PRKACB: variants seen among roughly 807,000 people sequenced by gnomAD.
PRKACB encodes the protein cAMP-dependent protein kinase catalytic subunit beta.
In PRKACB, 16 loss-of-function variants were observed where a neutral mutation model predicts 51.4. That is an observed-to-expected ratio of 0.31 (90% CI 0.21 to 0.47). The LOEUF is 0.47. PRKACB is among the 20% of genes least tolerant of loss of function. PRKACB has a pLI of 1.00. For synonymous variants in PRKACB, 147 were observed against 154.4 expected, an observed-to-expected ratio of 0.95 and a Z score of 0.35; for missense variants, 309 against 464.5, an observed-to-expected ratio of 0.67 and a Z score of 3.08.
At chr1:84,164,976 G>A in intron 1 of PRKACB, 1 of 1,545,164 alleles carries the variant, frequency 6.5e-7, no homozygotes, top group Admixed American at 2.0e-5. Context: ...GTTATTTTGA[G>A]CAATATGTTT....
intron 2 of PRKACB, chr1:84,181,747 C>G: frequency 6.8e-7 from 1 of 1,460,350 alleles, no homozygotes. Flanking sequence ...AGTGAAAGAG[C>G]TCTGATCCCT....
At chr1:84,228,025 A>G (rs891854956) in intron 9 of PRKACB, among the ~76,000 whole-genome samples, 1 of 152,228 alleles carries the variant, frequency 6.6e-6, no homozygotes, top group African/African-American at 2.4e-5. Context: ...CTGGCTGGCT[A>G]GACGTGAAGC....
At chr1:84,218,187 T>A (rs1323690137) in intron 9 of PRKACB, among the ~76,000 whole-genome samples, 1 of 152,192 alleles carries the variant, frequency 6.6e-6, no homozygotes, top group African/African-American at 2.4e-5. Flanking sequence ...CTTTGAAATA[T>A]ATAATATATT....
chr1:84,135,092 A>G (rs1652664939), intron 1 of PRKACB, among the ~76,000 whole-genome samples: 1 of 152,206 alleles, frequency 6.6e-6, no homozygotes, highest in African/African-American at 2.4e-5. Context: ...TATACCATAT[A>G]ATCACTAACC....
chr1:84,079,073 A>C (rs1351180437), intron 1 of PRKACB, among the ~76,000 whole-genome samples: 2 of 152,188 alleles, frequency 1.3e-5, no homozygotes, highest in Non-Finnish European at 2.9e-5. Flanking sequence ...TGAGAGCGGA[A>C]GGTGCGGGTA....
intron 9 of PRKACB, among the ~76,000 whole-genome samples, chr1:84,229,001 T>A (rs1675118022): frequency 1.3e-5 from 2 of 150,810 alleles, no homozygotes; most frequent in Non-Finnish European, 3.0e-5. Context: ...TACATATGTA[T>A]ACATGTGCCA....
At chr1:84,122,056 T>C (rs992087823) in intron 1 of PRKACB, among the ~76,000 whole-genome samples, 2 of 152,052 alleles carry the variant, frequency 1.3e-5, no homozygotes, top group Non-Finnish European at 2.9e-5. Context: ...ACATGTTAAG[T>C]CTCTGAGTGG....
intron 1 of PRKACB, among the ~76,000 whole-genome samples, chr1:84,100,595 C>G (rs1398652508): frequency 6.6e-6 from 1 of 152,068 alleles, no homozygotes; most frequent in Non-Finnish European, 1.5e-5. Context: ...ATTCTAGGCC[C>G]TCTGCTCATA....
At chr1:84,189,129 T>C (rs1300478611) in intron 5 of PRKACB, among the ~76,000 whole-genome samples, 1 of 151,928 alleles carries the variant, frequency 6.6e-6, no homozygotes, top group East Asian at 1.9e-4. Context: ...TTATTTCTTT[T>C]TCCCATTTAG....
At chr1:84,142,451 A>G (rs1043732067), upstream of PRKACB, among the ~76,000 whole-genome samples, 1 of 152,230 alleles carries the variant, frequency 6.6e-6, no homozygotes, top group Admixed American at 6.5e-5. Context: ...GACTACAGAC[A>G]TTTAATAAGT....
rs78313257 is a variant in PRKACB at position 84,138,466 on chromosome 1, C to T, written c.47-40711C>T. Among the ~76,000 whole-genome samples the T allele has an allele frequency of 4.7e-4, 72 of 151,970 alleles. 1 individual carries two copies. In the East Asian group the frequency reaches 0.01, roughly 22 times the overall value. On this transcript the variant is annotated intron_variant, in intron 1 of 8. Transcript: ENST00000370688. ...AAGATGCAAACTACTAATATTCATT[C>T]GAGATGAAATTGATAACTCAGTAAT...
intron 1 of PRKACB, among the ~76,000 whole-genome samples, chr1:84,126,090 G>A (rs1450763962): frequency 6.9e-6 from 1 of 144,298 alleles, no homozygotes; most frequent in Non-Finnish European, 1.5e-5. Flanking sequence ...GGGTGGGGGG[G>A]AGGGGAGGGG....
At chr1:84,090,004 G>T (rs1423364279) in intron 1 of PRKACB, among the ~76,000 whole-genome samples, 1 of 152,128 alleles carries the variant, frequency 6.6e-6, no homozygotes, top group Non-Finnish European at 1.5e-5. Flanking sequence ...ACTCAGCTAT[G>T]TGCTTTCTCA....
chr1:84,091,402 T>G (rs1648457460), intron 1 of PRKACB, among the ~76,000 whole-genome samples: 1 of 152,212 alleles, frequency 6.6e-6, no homozygotes, highest in African/African-American at 2.4e-5. Flanking sequence ...ACAACCTGGT[T>G]TAATATATAA....
chr1:84,086,162 G>T, intron 1 of PRKACB: 1 of 1,597,786 alleles, frequency 6.3e-7, no homozygotes, highest in Non-Finnish European at 8.6e-7. Context: ...GAATGGGGAT[G>T]TGGTGGACAA....
intron 1 of PRKACB, among the ~76,000 whole-genome samples, chr1:84,149,872 T>C (rs192317725): frequency 3.0e-4 from 46 of 152,252 alleles, no homozygotes; most frequent in African/African-American, 1.1e-3. Flanking sequence ...GCATATCTTT[T>C]TGGAGTTAAT....
At chr1:84,146,190 CAAAT>C (rs1049604970) in intron 1 of PRKACB, among the ~76,000 whole-genome samples, 1 of 151,048 alleles carries the variant, frequency 6.6e-6, no homozygotes, top group African/African-American at 2.4e-5. Flanking sequence ...TTCTTGTACA[CAAAT>C]AAAATTAGGA....
Position 84,097,326 on chromosome 1 carries a change from G to A in PRKACB, c.46+18955G>A, listed in dbSNP as rs180725043. Among the ~76,000 whole-genome samples, 16 of 147,816 alleles carry A rather than the reference G, an allele frequency of 1.1e-4. No individual in the cohort carries two copies. The East Asian group carries it at 2.9e-3, about 27-fold the overall frequency. Reference sequence around the variant, plus strand: ...ACATTAGTAGATAGTATCTACATTAGTAGATACTATCAAACTGTTTTCGAA... The same window carrying A: ...ACATTAGTAGATAGTATCTACATTAATAGATACTATCAAACTGTTTTCGAA... On this transcript the variant is annotated intron_variant, in intron 1 of 8. Coordinates refer to the PRKACB transcript ENST00000370688.
chr1:84,146,059 G>C (rs1232078245), intron 1 of PRKACB, among the ~76,000 whole-genome samples: 1 of 151,722 alleles, frequency 6.6e-6, no homozygotes, highest in Admixed American at 6.6e-5. Flanking sequence ...TATGGGATCT[G>C]TGATGCTTTC....
Sources: allele counts gnomAD v4.1 joint callset (sites outside exome capture counted in the v4.1 genomes callset), GRCh38; gene constraint gnomAD v4.1.1; transcripts MANE v1.5; gene names NCBI Gene and HGNC (gene_info 2026-07-23, HGNC 2026-07-21).